ZYG11A: variants seen among roughly 807,000 people sequenced by gnomAD.
The protein encoded by ZYG11A is protein zyg-11 homolog A.
A neutral mutation model predicts 77.2 loss-of-function variants in ZYG11A; 62 were observed. The observed-to-expected ratio is 0.80, with a 90% CI of 0.65 to 0.99. The LOEUF is 0.99. Ranked by LOEUF, ZYG11A falls within the 50% of genes least tolerant of loss-of-function variation. ZYG11A has a pLI of 0.00. For synonymous variants in ZYG11A, 315 were observed against 324.6 expected (o/e 0.97, Z 0.32); for missense variants, 828 against 896.8 (o/e 0.92, Z 0.98).
chr1:52,887,615 C>A (rs1646474168), intron 13 of ZYG11A, among the ~76,000 whole-genome samples: 2 of 151,702 alleles, frequency 1.3e-5, no homozygotes, highest in African/African-American at 4.8e-5. Flanking sequence ...GAGGTGTCTC[C>A]CAAAGTGCTG....
chr1:52,893,805 T>C lies in ZYG11A; in HGVS notation c.*848T>C, dbSNP rs1163871069. 6.8e-6 allele frequency: 1 copy of C among 146,164 alleles called. No individual in the cohort carries two copies. Among genetic ancestry groups the C allele is most frequent in the Non-Finnish European group, 1.5e-5 (1 of 67,208 alleles). The allele number at this position is 146,164 out of a possible 1,614,324, so 9.1% of individuals were successfully genotyped here. On this transcript the variant is annotated 3_prime_UTR_variant, in exon 14 of 14. Coordinates refer to ENST00000371528, the MANE Select transcript of ZYG11A (RefSeq NM_001004339.3). The stretch of plus-strand genomic sequence containing the variant: ...TGGAGAAAAGAGAAATATATTTTTT[T>C]ACCTTTTTTTTTTTTTTTTTTTTTG...
At chr1:52,879,295 G>A (rs1276278846) in intron 10 of ZYG11A, among the ~76,000 whole-genome samples, 6 of 152,196 alleles carry the variant, frequency 3.9e-5, no homozygotes, top group Non-Finnish European at 5.9e-5. Flanking sequence ...AGTGTTAGAC[G>A]TGTACAAACA....
intron 3 of ZYG11A, among the ~76,000 whole-genome samples, chr1:52,859,574 A>C (rs981939755): frequency 1.4e-4 from 20 of 147,926 alleles, no homozygotes; most frequent in African/African-American, 5.0e-4. Flanking sequence ...TGACCTCGTG[A>C]TCTGCCTGCC....
intron 3 of ZYG11A, among the ~76,000 whole-genome samples, chr1:52,859,747 G>C (rs558338340): frequency 8.2e-6 from 1 of 121,906 alleles, no homozygotes; most frequent in Admixed American, 9.1e-5. Flanking sequence ...GTGTGATCTC[G>C]GCTCACTGCA....
At chr1:52,871,926 A>G (rs1474310566) in intron 8 of ZYG11A, among the ~76,000 whole-genome samples, 1 of 152,198 alleles carries the variant, frequency 6.6e-6, no homozygotes, top group Non-Finnish European at 1.5e-5. Flanking sequence ...CATGTCCTCC[A>G]GAAGTATGTT....
rs564495676 is a variant in ZYG11A at position 52,885,993 on chromosome 1, C to T, written c.2006+99C>T. On this transcript the variant is annotated intron_variant, in intron 12 of 13. Transcript: ENST00000371528. ...AGTCGCCCAGGCTGGAGTGCAGTGG[C>T]ACAATCTTGGCTCACTGCAAGCTCC... is the stretch of plus-strand genomic sequence containing the variant. 29 of 902,172 alleles carry T rather than the reference C, an allele frequency of 3.2e-5. No individual in the cohort carries two copies. The Middle Eastern group carries it at 9.6e-4, about 30-fold the overall frequency. The allele number at this position is 902,172 out of a possible 1,614,324, so 55.9% of individuals were successfully genotyped here. A position where few individuals can be genotyped will look rare whatever the true frequency, so the allele number is the denominator to read the frequency against.
intron 3 of ZYG11A, among the ~76,000 whole-genome samples, chr1:52,859,358 CGG>C (rs990610297): frequency 1.3e-5 from 2 of 150,030 alleles, no homozygotes; most frequent in African/African-American, 4.9e-5. Context: ...TTTTTTGAGA[CGG>C]AGTCTTGCTC....
chr1:52,851,404 C>A (rs11206034), intron 1 of ZYG11A, among the ~76,000 whole-genome samples: 2,819 of 151,130 alleles, frequency 0.019, 60 homozygotes, highest in African/African-American at 0.064. Context: ...ATTTATTCTT[C>A]TTATTATTTT....
At chr1:52,854,405 T>G in intron 1 of ZYG11A, 60 bp from the exon 2 acceptor site, 1 of 1,453,772 alleles carries the variant, frequency 6.9e-7, no homozygotes, top group South Asian at 1.5e-5. Context: ...CATGACCAGT[T>G]TTATGTTGAA....
chr1:52,883,090 AATAATG>A (rs1238976729), intron 11 of ZYG11A, among the ~76,000 whole-genome samples: 1 of 151,746 alleles, frequency 6.6e-6, no homozygotes, highest in Non-Finnish European at 1.5e-5. Flanking sequence ...CTTTGAACGT[AATAATG>A]ATAATTTTAA....
chr1:52,873,575 A>C (rs973302716), intron 8 of ZYG11A, among the ~76,000 whole-genome samples: 2 of 152,240 alleles, frequency 1.3e-5, no homozygotes, highest in African/African-American at 4.8e-5. Flanking sequence ...GATGGAATCT[A>C]GTTCTGGTGA....
chr1:52,842,799 T>G lies in ZYG11A; in HGVS notation c.-85T>G. On this transcript the variant is annotated 5_prime_UTR_variant, in exon 1 of 14. Transcript: ENST00000371528. Reference sequence around the variant, plus strand: ...CCTCGCAGGCGTGGTGGGCGCGTCCTGGCAGCCGCCCGCTTGGTTCTCGCG... The same window carrying G: ...CCTCGCAGGCGTGGTGGGCGCGTCCGGGCAGCCGCCCGCTTGGTTCTCGCG... The G allele has an allele frequency of 7.4e-7, 1 of 1,345,872 alleles. No individual in the cohort carries two copies. The highest frequency in any genetic ancestry group is 1.0e-6 in the Non-Finnish European group (1 of 986,662). The allele number at this position is 1,345,872 out of a possible 1,614,324, so 83.4% of individuals were successfully genotyped here. A position where few individuals can be genotyped will look rare whatever the true frequency, so the allele number is the denominator to read the frequency against.
intron 2 of ZYG11A, among the ~76,000 whole-genome samples, chr1:52,855,676 T>C (rs1449693672): frequency 1.3e-5 from 2 of 152,254 alleles, no homozygotes; most frequent in African/African-American, 4.8e-5. Flanking sequence ...TATGTGGCCT[T>C]GTGTGCCGAA....
chr1:52,878,034 C>G, intron 10 of ZYG11A, 65 bp downstream of exon 10: 58 of 1,277,470 alleles, frequency 4.5e-5, no homozygotes, highest in Non-Finnish European at 6.0e-5. Context: ...TTATATAGTA[C>G]CTACTATATG....
At position 52,859,421 on chromosome 1, in the gene ZYG11A, C is replaced by T. The variant is rs189647061; in HGVS notation, c.1009-1310C>T. 5.3e-3 allele frequency among the ~76,000 whole-genome samples: 798 copies of T among 151,372 alleles called. 7 individuals are homozygous for T. The highest frequency in any genetic ancestry group is 0.019 in the African/African-American group (771 of 41,230). ...CACGATCTCTGCTCACTGCAATCTC[C>T]GCCTCCCGGGTTCACGCCATTCTCC... On this transcript the variant is annotated intron_variant, in intron 3 of 13. Coordinates refer to ENST00000371528, the MANE Select transcript of ZYG11A (RefSeq NM_001004339.3).
At position 52,885,772 on chromosome 1, in the gene ZYG11A, C is replaced by T. The variant is rs1304535549; in HGVS notation, c.1945-61C>T. On this transcript the variant is annotated intron_variant, in intron 11 of 13. Transcript: ENST00000371528. ...GTTCAATCGTTCCCAGATTTTGAAA[C>T]ATTTTGTTGTAAATGATGGATTATT... 3.8e-6 allele frequency: 5 copies of T among 1,301,668 alleles called. No individual in the cohort carries two copies. In the African/African-American group the frequency reaches 6.0e-5, roughly 16 times the overall value. 80.6% of individuals were successfully genotyped at this position (1,301,668 alleles called of 1,614,324 possible). A position where few individuals can be genotyped will look rare whatever the true frequency, so the allele number is the denominator to read the frequency against.
chr1:52,885,803 G>T, intron 11 of ZYG11A, 30 bp from the exon 12 acceptor site: 2 of 1,478,570 alleles, frequency 1.4e-6, no homozygotes, highest in South Asian at 1.3e-5. Flanking sequence ...TTATTCAAAT[G>T]TTGGTTTCTC....
intron 1 of ZYG11A, among the ~76,000 whole-genome samples, chr1:52,851,828 A>G (rs1349926279): frequency 6.7e-6 from 1 of 148,410 alleles, no homozygotes; most frequent in African/African-American, 2.5e-5. Context: ...GCTCACTGCA[A>G]CCTCCACCTC....
At chr1:52,876,067 T>G (rs569775763) in intron 8 of ZYG11A, among the ~76,000 whole-genome samples, 2 of 151,748 alleles carry the variant, frequency 1.3e-5, no homozygotes, top group Non-Finnish European at 2.9e-5. Flanking sequence ...TTAGGAAGAG[T>G]GGGTGTATTT....
Sources: gnomAD v4.1 joint callset for allele counts (sites outside exome capture counted in the v4.1 genomes callset) on GRCh38, gnomAD v4.1.1 for gene constraint, MANE v1.5 for transcripts, NCBI Gene and HGNC (gene_info 2026-07-23, HGNC 2026-07-21) for gene names.